The following SNX13 variants were observed in gnomAD, a reference collection of about 807,000 sequenced individuals.
SNX13 encodes sorting nexin 13, also known as sorting nexin-13.
A neutral mutation model predicts 133.6 loss-of-function variants in SNX13; 45 were observed. That is an observed-to-expected ratio of 0.34 (90% CI 0.27 to 0.43). The LOEUF (loss-of-function observed/expected upper bound fraction) is 0.43. Ranked by LOEUF, SNX13 falls within the 20% of genes least tolerant of loss-of-function variation. The pLI, the probability that SNX13 is intolerant of heterozygous loss-of-function variation, is 1.00. For missense variants in SNX13, 1,032 were observed against 1,145.1 expected (o/e 0.90, Z 1.43); for synonymous variants, 414 against 373.9 (o/e 1.11, Z -1.24).
At chr7:17,841,973 T>C (rs1180763046) in intron 12 of SNX13, among the ~76,000 whole-genome samples, 1 of 151,906 alleles carries the variant, frequency 6.6e-6, no homozygotes, top group Non-Finnish European at 1.5e-5. Context: ...AATGTAAAAA[T>C]ACAAAGAAGA....
intron 20 of SNX13, among the ~76,000 whole-genome samples, chr7:17,810,200 TCAA>T (rs1785843652): frequency 2.0e-5 from 3 of 151,502 alleles, no homozygotes; most frequent in Admixed American, 1.3e-4. Flanking sequence ...TTTGAAAAGA[TCAA>T]CAAGATAGAT....
chr7:17,916,526 T>C (rs1164889927), intron 1 of SNX13, among the ~76,000 whole-genome samples: 3 of 151,940 alleles, frequency 2.0e-5, no homozygotes, highest in African/African-American at 7.3e-5. Context: ...ACTATAAACA[T>C]CTGTATGTAC....
At chr7:17,928,158 T>C (rs950362625) in intron 1 of SNX13, among the ~76,000 whole-genome samples, 2 of 152,168 alleles carry the variant, frequency 1.3e-5, no homozygotes, top group African/African-American at 4.8e-5. Flanking sequence ...TTCTTTCTTA[T>C]GAAAAGGAGC....
At chr7:17,851,129 T>C (rs563417481) in intron 9 of SNX13, among the ~76,000 whole-genome samples, 165 bp from the exon 10 acceptor site, 336 of 152,352 alleles carry the variant, frequency 2.2e-3, no homozygotes, top group African/African-American at 6.0e-3. Flanking sequence ...CAATGGATCT[T>C]AGACTGCAAA....
chr7:17,829,611 T>C (rs1788262092), intron 16 of SNX13, among the ~76,000 whole-genome samples: 1 of 151,366 alleles, frequency 6.6e-6, no homozygotes, highest in Non-Finnish European at 1.5e-5. Context: ...TGTATTTCTT[T>C]CTAAATACAA....
chr7:17,807,739 C>A (rs1283585601), intron 20 of SNX13, among the ~76,000 whole-genome samples: 1 of 152,196 alleles, frequency 6.6e-6, no homozygotes, highest in Non-Finnish European at 1.5e-5. Flanking sequence ...CTGGAGAGTG[C>A]CCCTCTGGGA....
At chr7:17,874,403 A>T (rs1483080282) in intron 7 of SNX13, among the ~76,000 whole-genome samples, 1 of 152,190 alleles carries the variant, frequency 6.6e-6, no homozygotes, top group Non-Finnish European at 1.5e-5. Context: ...GTGGGCTGTT[A>T]GTATTTAAGT....
chr7:17,911,592 C>A (rs1295412536), intron 1 of SNX13, among the ~76,000 whole-genome samples: 1 of 149,048 alleles, frequency 6.7e-6, no homozygotes, highest in Non-Finnish European at 1.5e-5. Flanking sequence ...GAGCCAAGAT[C>A]GCGCCACTGC....
intron 20 of SNX13, among the ~76,000 whole-genome samples, chr7:17,807,404 T>C (rs1056401357): frequency 1.3e-5 from 2 of 152,148 alleles, no homozygotes; most frequent in African/African-American, 4.8e-5. Flanking sequence ...GCAAAGCCAC[T>C]GTAGCCACAC....
chr7:17,806,207 C>T (rs1050788271), intron 20 of SNX13, among the ~76,000 whole-genome samples: 6 of 14,332 alleles, frequency 4.2e-4, no homozygotes, highest in Non-Finnish European at 5.9e-4. Flanking sequence ...GCTTAAAATG[C>T]CTTCACCATG....
At chr7:17,930,726 C>G (rs1210006441) in intron 1 of SNX13, among the ~76,000 whole-genome samples, 1 of 152,190 alleles carries the variant, frequency 6.6e-6, no homozygotes, top group African/African-American at 2.4e-5. Context: ...CAGAGCATTA[C>G]AGGTCCATGG....
intron 5 of SNX13, among the ~76,000 whole-genome samples, chr7:17,877,327 A>C (rs190950874): frequency 2.2e-4 from 34 of 152,184 alleles, no homozygotes; most frequent in Admixed American, 1.8e-3. Context: ...GTCTCAACAT[A>C]AACCTAAAAT....
chr7:17,886,694 G>A (rs1232557569), intron 5 of SNX13, among the ~76,000 whole-genome samples: 2 of 152,084 alleles, frequency 1.3e-5, no homozygotes, highest in African/African-American at 4.8e-5. Context: ...TCAACAACAA[G>A]GTTGCTTGTT....
chr7:17,797,709 G>T (rs1015438710), intron 24 of SNX13, among the ~76,000 whole-genome samples: 9 of 151,750 alleles, frequency 5.9e-5, no homozygotes, highest in African/African-American at 2.2e-4. Flanking sequence ...CTCTAGAGGT[G>T]ATTCCAATGA....
At chr7:17,898,083 A>C (rs1038401559) in intron 1 of SNX13, 2 of 152,120 alleles carry the variant, frequency 1.3e-5, no homozygotes, top group African/African-American at 4.8e-5. Context: ...ACATTAAAAA[A>C]AAAACCTATT....
rs138689743 is a variant in SNX13 at position 17,884,366 on chromosome 7, G to A, written c.440+5997C>T. 1.6e-4 allele frequency among the ~76,000 whole-genome samples: 25 copies of A among 152,216 alleles called. No homozygotes were observed. The East Asian group carries it at 4.6e-3, about 28-fold the overall frequency. On this transcript the variant is annotated intron_variant, in intron 5 of 25. Coordinates refer to ENST00000428135, the MANE Select transcript of SNX13 (RefSeq NM_015132.5). The stretch of plus-strand genomic sequence containing the variant: ...TTTACAGCCAGAAACAGAAACATTT[G>A]GTTGTCAGTAATAAAGATACCTAAG...
At chr7:17,894,055 C>T (rs1173940752) in intron 2 of SNX13, among the ~76,000 whole-genome samples, 4 of 150,868 alleles carry the variant, frequency 2.7e-5, no homozygotes, top group Non-Finnish European at 5.9e-5. Flanking sequence ...GTAATCCCAG[C>T]ACCTTGGGAG....
chr7:17,879,367 G>A (rs1460468890), intron 5 of SNX13: 4 of 152,232 alleles, frequency 2.6e-5, no homozygotes, highest in African/African-American at 9.6e-5. Context: ...ACTGCACTCA[G>A]CCAACTGTGT....
At chr7:17,889,153 A>C (rs901104096) in intron 5 of SNX13, 1 of 153,770 alleles carries the variant, frequency 6.5e-6, no homozygotes, top group African/African-American at 2.4e-5. Context: ...AAGAGATTAA[A>C]TTCAAATTCT....
Sources: allele counts gnomAD v4.1 joint callset (sites outside exome capture counted in the v4.1 genomes callset), GRCh38; gene constraint gnomAD v4.1.1; transcripts MANE v1.5; gene names NCBI Gene and HGNC (gene_info 2026-07-23, HGNC 2026-07-21).